RASEF: variants seen among roughly 807,000 people sequenced by gnomAD.
The protein encoded by RASEF is ras and EF-hand domain-containing protein.
Under a neutral mutation model 90.1 loss-of-function variants are expected in RASEF, and 68 were observed. The ratio of observed to expected loss-of-function variants is 0.75; its 90% CI spans 0.62 to 0.92. The LOEUF is 0.92. Among genes scored for constraint, RASEF ranks in the 40% least tolerant of loss-of-function variants. The pLI is 0.00. For synonymous variants in RASEF, 331 were observed against 345.2 expected (o/e 0.96, Z 0.46); for missense variants, 949 against 937.2 (o/e 1.01, Z -0.16).
chr9:82,991,122 C>G (rs1194707709), intron 15 of RASEF, among the ~76,000 whole-genome samples: 13 of 152,116 alleles, frequency 8.5e-5, no homozygotes, highest in Non-Finnish European at 1.2e-4. Context: ...TCATCCCCCA[C>G]TCACTCACAG....
At chr9:83,021,521 T>G (rs1035390568) in intron 3 of RASEF, among the ~76,000 whole-genome samples, 2 of 152,232 alleles carry the variant, frequency 1.3e-5, no homozygotes, top group African/African-American at 2.4e-5. Context: ...AACATATCAC[T>G]TTCAACTTTA....
chr9:83,079,903 AT>A, the RASEF span, among the ~76,000 whole-genome samples: 1 of 152,234 alleles, frequency 6.6e-6, no homozygotes, highest in Non-Finnish European at 1.5e-5. Context: ...CGATATGATG[AT>A]TAAAAAAATA....
At chr9:83,180,161 A>C in the RASEF span, among the ~76,000 whole-genome samples, 1 of 152,176 alleles carries the variant, frequency 6.6e-6, no homozygotes, top group Admixed American at 6.5e-5. Context: ...AAAATGGTTT[A>C]AGCCAAGTAC....
chr9:83,083,144 G>A, the RASEF span, among the ~76,000 whole-genome samples: 63 of 152,138 alleles, frequency 4.1e-4, no homozygotes, highest in East Asian at 8.5e-3. Flanking sequence ...TTTCTAGAAC[G>A]TCAGTTGGTT....
chr9:83,146,767 G>C, the RASEF span, among the ~76,000 whole-genome samples: 2 of 151,974 alleles, frequency 1.3e-5, no homozygotes, highest in Non-Finnish European at 2.9e-5. Context: ...ATCCTTAACT[G>C]AAGGCACAAG....
rs1363484848 is a variant in RASEF, at chr9:82,981,832, T to G, written c.*845A>C. 1.3e-5 allele frequency: 2 copies of G among 152,244 alleles called. No homozygotes were observed. Among genetic ancestry groups the G allele is most frequent in the East Asian group, 3.8e-4 (2 of 5,200 alleles). The allele number at this position is 152,244 out of a possible 1,614,324, so 9.4% of individuals were successfully genotyped here. Reference sequence around the variant, plus strand: ...AGAGTGACAACTTTCCTGGGCATTGTGCTTTCAGTAGTATGTGGCTTTACA... The same window carrying G: ...AGAGTGACAACTTTCCTGGGCATTGGGCTTTCAGTAGTATGTGGCTTTACA... On this transcript the variant is annotated 3_prime_UTR_variant, in exon 17 of 17. Coordinates refer to ENST00000376447, the MANE Select transcript of RASEF (RefSeq NM_152573.4).
At chr9:83,186,542 A>G in the RASEF span, among the ~76,000 whole-genome samples, 1 of 152,088 alleles carries the variant, frequency 6.6e-6, no homozygotes, top group Non-Finnish European at 1.5e-5. Context: ...CTTTGCACAC[A>G]CAGCATGCTC....
chr9:83,172,417 T>A, the RASEF span, among the ~76,000 whole-genome samples: 1 of 151,606 alleles, frequency 6.6e-6, no homozygotes. Context: ...CATTTTGTTA[T>A]TTTTTTTCTG....
In RASEF at chr9:82,992,993, C is replaced by T; in HGVS notation, c.1953G>A (p.Leu651=). The T allele has an allele frequency of 6.2e-7, 1 of 1,613,848 alleles. No homozygotes were observed. The highest frequency in any genetic ancestry group is 8.5e-7 in the Non-Finnish European group (1 of 1,179,898). ...DAAHETVPIM[L]VGNKADIRDT... ...CACGAATGTCAGCCTTGTTTCCTAC[C>T]AGCATAATGGGAACAGTCTCATGGG... The change falls in exon 15 of 17, where the codon CTG becomes CTA. Residue 651 remains leucine, a synonymous_variant. Transcript: ENST00000376447.
At chr9:83,176,506 C>T in the RASEF span, among the ~76,000 whole-genome samples, 2,542 of 152,014 alleles carry the variant, frequency 0.017, 67 homozygotes, top group African/African-American at 0.058. Flanking sequence ...TCTCATTTCT[C>T]TTTTGTTCCT....
intron 3 of RASEF, among the ~76,000 whole-genome samples, chr9:83,022,135 T>C (rs886964965): frequency 2.0e-5 from 3 of 152,180 alleles, no homozygotes; most frequent in South Asian, 4.1e-4. Flanking sequence ...CTGAACTTAT[T>C]TGCTTTGCTT....
the RASEF span, among the ~76,000 whole-genome samples, chr9:83,191,935 C>G: frequency 6.6e-6 from 1 of 152,054 alleles, no homozygotes; most frequent in Non-Finnish European, 1.5e-5. Flanking sequence ...GGCCAAGAAG[C>G]ATATTTTAAA....
chr9:83,192,093 A>G, the RASEF span, among the ~76,000 whole-genome samples: 1 of 152,160 alleles, frequency 6.6e-6, no homozygotes, highest in Non-Finnish European at 1.5e-5. Flanking sequence ...GGGGATGCTT[A>G]TACACTGTTG....
the RASEF span, among the ~76,000 whole-genome samples, chr9:83,199,091 G>C: frequency 2.0e-5 from 3 of 152,040 alleles, no homozygotes; most frequent in Non-Finnish European, 4.4e-5. Context: ...AGAGAAAAAA[G>C]ATGCAATGCT....
intron 16 of RASEF, among the ~76,000 whole-genome samples, chr9:82,987,172 T>A (rs1828724124): frequency 6.6e-6 from 1 of 152,218 alleles, no homozygotes; most frequent in Non-Finnish European, 1.5e-5. Flanking sequence ...CTGTGGAGAC[T>A]ATAACATTTC....
chr9:83,024,974 G>A (rs111370660), intron 2 of RASEF, among the ~76,000 whole-genome samples: 5 of 152,314 alleles, frequency 3.3e-5, no homozygotes, highest in South Asian at 2.1e-4. Flanking sequence ...AGGAGCATCC[G>A]TGTGGCACAA....
chr9:83,016,933 A>C (rs751332613), intron 3 of RASEF, among the ~76,000 whole-genome samples: 5 of 152,162 alleles, frequency 3.3e-5, no homozygotes, highest in Non-Finnish European at 7.3e-5. Flanking sequence ...ATATAAATTA[A>C]ATAATCCATG....
At chr9:83,213,643 C>A in the RASEF span, among the ~76,000 whole-genome samples, 1 of 152,242 alleles carries the variant, frequency 6.6e-6, no homozygotes, top group African/African-American at 2.4e-5. Flanking sequence ...TCAGGATTCT[C>A]TAAGCCAGGA....
chr9:83,083,568 A>G, the RASEF span, among the ~76,000 whole-genome samples: 34 of 152,326 alleles, frequency 2.2e-4, no homozygotes, highest in Admixed American at 1.6e-3. Flanking sequence ...CAACAACAAA[A>G]GAGGCAAAAA....
Sources: allele counts gnomAD v4.1 joint callset (sites outside exome capture counted in the v4.1 genomes callset), GRCh38; gene constraint gnomAD v4.1.1; transcripts MANE v1.5; gene names NCBI Gene and HGNC (gene_info 2026-07-23, HGNC 2026-07-21).